FBXO25: variants seen among roughly 807,000 people sequenced by gnomAD.
FBXO25 encodes the protein F-box only protein 25.
In FBXO25, 45 loss-of-function variants were observed where a neutral mutation model predicts 51.9. The observed-to-expected ratio is 0.87, with a 90% confidence interval of 0.68 to 1.11. The LOEUF is 1.11. Among genes scored for constraint, FBXO25 ranks in the 50% most tolerant of loss-of-function variants. The pLI is 0.00. For missense variants in FBXO25, 507 were observed against 428.5 expected, an observed-to-expected ratio of 1.18 and a Z score of -1.62; for synonymous variants, 199 against 151.0, an observed-to-expected ratio of 1.32 and a Z score of -2.33.
intron 4 of FBXO25, among the ~76,000 whole-genome samples, chr8:434,961 C>A (rs1218579507): frequency 1.3e-5 from 2 of 152,148 alleles, no homozygotes; most frequent in Non-Finnish European, 2.9e-5. Flanking sequence ...CATCCGTGCT[C>A]CCAGCCTGAA....
At chr8:430,690 A>G (rs1341561460) in intron 2 of FBXO25, among the ~76,000 whole-genome samples, 1 of 152,128 alleles carries the variant, frequency 6.6e-6, no homozygotes, top group African/African-American at 2.4e-5. Context: ...GTGGATTACT[A>G]TTTACAGGTG....
At chr8:460,033 G>T (rs1001166710) in intron 8 of FBXO25, among the ~76,000 whole-genome samples, 1 of 152,126 alleles carries the variant, frequency 6.6e-6, no homozygotes, top group Non-Finnish European at 1.5e-5. Flanking sequence ...ATTGGGCATG[G>T]GGGAGGGGGT....
At chr8:417,900 T>C (rs1354553045) in intron 2 of FBXO25, among the ~76,000 whole-genome samples, 1 of 152,252 alleles carries the variant, frequency 6.6e-6, no homozygotes, top group African/African-American at 2.4e-5. Context: ...CTTTGCATAC[T>C]TGTGTGAATA....
intron 9 of FBXO25, chr8:467,842 A>T: frequency 6.3e-7 from 1 of 1,598,308 alleles, no homozygotes; most frequent in South Asian, 1.1e-5. Flanking sequence ...GCCCGGCTCG[A>T]TTCCAGCTCT....
intron 2 of FBXO25, among the ~76,000 whole-genome samples, chr8:416,606 C>T (rs1435397112): frequency 6.6e-6 from 1 of 152,178 alleles, no homozygotes; most frequent in Non-Finnish European, 1.5e-5. Flanking sequence ...TTTCCCCACC[C>T]CTCCAGAAAG....
At chr8:439,246 C>T (rs1798279418) in intron 5 of FBXO25, among the ~76,000 whole-genome samples, 1 of 152,196 alleles carries the variant, frequency 6.6e-6, no homozygotes, top group Admixed American at 6.5e-5. Flanking sequence ...GCCCCCTCGC[C>T]CCTCTGGCAG....
intron 1 of FBXO25, 26 bp from the exon 2 acceptor site, chr8:413,047 T>C (rs1584998019): frequency 6.9e-7 from 1 of 1,453,718 alleles, no homozygotes; most frequent in Non-Finnish European, 9.1e-7. Flanking sequence ...ATATATACTT[T>C]TTAACATAAT....
At chr8:419,540 A>G (rs1486779363) in intron 2 of FBXO25, among the ~76,000 whole-genome samples, 1 of 152,188 alleles carries the variant, frequency 6.6e-6, no homozygotes, top group Non-Finnish European at 1.5e-5. Context: ...GTGTAAAGGC[A>G]CCTCTTAATA....
intron 5 of FBXO25, among the ~76,000 whole-genome samples, chr8:438,004 A>G (rs1409930799): frequency 1.3e-5 from 2 of 152,022 alleles, no homozygotes; most frequent in African/African-American, 4.8e-5. Context: ...TTTTTTTCTA[A>G]TGGCATTTAG....
chr8:467,877 C>A, intron 9 of FBXO25: 1 of 1,569,232 alleles, frequency 6.4e-7, no homozygotes, highest in East Asian at 2.3e-5. Context: ...TTCTCAGGAC[C>A]CTGAGCAGGG....
chr8:463,911 C>T (rs917371257), intron 9 of FBXO25, among the ~76,000 whole-genome samples: 2 of 152,114 alleles, frequency 1.3e-5, no homozygotes, highest in East Asian at 3.9e-4. Context: ...CCTCCTGCCT[C>T]TCAAGTAGCT....
intron 6 of FBXO25, 66 bp downstream of exon 6, chr8:450,149 A>AT (rs1350732641): frequency 9.9e-6 from 12 of 1,208,442 alleles, no homozygotes; most frequent in Non-Finnish European, 1.4e-5. Flanking sequence ...AGGAGATGGG[A>AT]TTTTTCTTTT....
intron 4 of FBXO25, 22 bp downstream of exon 4, chr8:432,957 T>C (rs6998464): frequency 0.43 from 664,021 of 1,533,278 alleles, 147,806 homozygotes; most frequent in African/African-American, 0.71. Flanking sequence ...ATTATAAATA[T>C]GAGAGTATCT....
chr8:456,180 T>C (rs1799416566), intron 7 of FBXO25, among the ~76,000 whole-genome samples: 1 of 152,140 alleles, frequency 6.6e-6, no homozygotes, highest in Non-Finnish European at 1.5e-5. Context: ...TAGTTAGGGG[T>C]TAATTTACTT....
At chr8:417,935 G>T (rs146574771) in intron 2 of FBXO25, among the ~76,000 whole-genome samples, 277 of 152,260 alleles carry the variant, frequency 1.8e-3, no homozygotes, top group African/African-American at 6.2e-3. Flanking sequence ...GGTCCTAATA[G>T]AATCGTATAT....
At chr8:420,045 C>G (rs1308067244) in intron 2 of FBXO25, among the ~76,000 whole-genome samples, 1 of 152,086 alleles carries the variant, frequency 6.6e-6, no homozygotes, top group Non-Finnish European at 1.5e-5. Context: ...TGATGCCCAA[C>G]TTAATTTATT....
chr8:456,301 C>T (rs1178951857), intron 7 of FBXO25, among the ~76,000 whole-genome samples: 1 of 152,174 alleles, frequency 6.6e-6, no homozygotes, highest in East Asian at 1.9e-4. Context: ...CCTTTAACTC[C>T]TGGGCTCAGG....
intron 2 of FBXO25, among the ~76,000 whole-genome samples, chr8:420,878 T>C (rs929012817): frequency 6.6e-6 from 1 of 152,230 alleles, no homozygotes; most frequent in Admixed American, 6.5e-5. Flanking sequence ...CCCATGGAAC[T>C]GTGCACCACA....
rs372681706 is a variant in FBXO25 at position 413,121 on chromosome 8, T to C, written c.42T>C (p.Ser14=). 3 of 1,606,810 alleles carry C rather than the reference T, an allele frequency of 1.9e-6. No homozygotes were observed. Among genetic ancestry groups the C allele is most frequent in the Non-Finnish European group, 2.5e-6 (3 of 1,176,942 alleles). Residue 14 remains serine (S), a synonymous_variant, in exon 2 of 10, where the codon AGT becomes AGC. Coordinates refer to ENST00000350302, the MANE Select transcript of FBXO25 (RefSeq NM_183420.2). ...LGQDWRSPGW[S]WIKTEDGWKR... is the part of the protein sequence containing the mutation. ...AGGACTGGAGATCTCCTGGATGGAG[T>C]TGGATTAAGACAGAAGATGGCTGGA... is the stretch of plus-strand genomic sequence containing the variant.
Sources: gnomAD v4.1 joint callset for allele counts (sites outside exome capture counted in the v4.1 genomes callset) on GRCh38, gnomAD v4.1.1 for gene constraint, MANE v1.5 for transcripts, NCBI Gene and HGNC (gene_info 2026-07-23, HGNC 2026-07-21) for gene names.